PIF1: variants seen among roughly 807,000 people sequenced by gnomAD.
PIF1 encodes the protein PIF1 5'-to-3' DNA helicase.
In PIF1, 67 loss-of-function variants were observed where a neutral mutation model predicts 62.3. That is an observed-to-expected ratio of 1.08 (90% CI 0.88 to 1.32). PIF1 has a LOEUF of 1.32. Ranked by LOEUF, PIF1 falls within the 40% of genes most tolerant of loss-of-function variation. The pLI is 0.00. For synonymous variants in PIF1, 364 were observed against 379.5 expected (o/e 0.96, Z 0.47); for missense variants, 886 against 866.1 (o/e 1.02, Z -0.29).
rs2084213182 is a variant in PIF1, at chr15:64,817,927, C to T, written c.1674+19G>A. The T allele has an allele frequency of 1.3e-6, 2 of 1,589,462 alleles. No homozygotes were observed. The highest frequency in any genetic ancestry group is 1.7e-6 in the Non-Finnish European group (2 of 1,167,732). ...CTCCCTCTGCCCTCCCTGTCCCTGCCCCCCACACCGGTGCTCACTTGGCTC... is the reference window on the plus strand; with the variant it reads ...CTCCCTCTGCCCTCCCTGTCCCTGCTCCCCACACCGGTGCTCACTTGGCTC... On this transcript the variant is annotated intron_variant, in intron 11 of 12. Transcript: ENST00000559239.
At position 64,821,417 on chromosome 15, in the gene PIF1, C is replaced by A; in HGVS notation, c.921G>T (p.Glu307Asp). The change falls in exon 5 of 13, where the codon GAG (glutamate) becomes GAT (aspartate). Residue 307 changes from glutamate (E) to aspartate (D), a missense_variant. Transcript: ENST00000559239. ...WLNCQRLVID[E>D]ISMVEADLFD... Reference sequence around the variant, plus strand: ...ACAGGTCTGCCTCCACCATTGAGATCTCGTCAATGACCAACCGCTGGCAGT... The same window carrying A: ...ACAGGTCTGCCTCCACCATTGAGATATCGTCAATGACCAACCGCTGGCAGT... 3 of 1,614,222 alleles carry A rather than the reference C, an allele frequency of 1.9e-6. No individual in the cohort carries two copies. The highest frequency in any genetic ancestry group is 2.5e-6 in the Non-Finnish European group (3 of 1,180,042).
chr15:64,824,479 G>T, intron 1 of PIF1, 125 bp from the exon 2 acceptor site: 1 of 570,800 alleles, frequency 1.8e-6, no homozygotes, highest in Non-Finnish European at 2.6e-6. Context: ...AAGATCACGA[G>T]GACTGTCACT....
intron 7 of PIF1, 100 bp downstream of exon 7, chr15:64,820,882 G>A: frequency 9.3e-7 from 1 of 1,079,778 alleles, no homozygotes; most frequent in Non-Finnish European, 1.4e-6. Context: ...GCTCCTGAGG[G>A]TAACAATTCT....
chr15:64,822,551 C>G lies in PIF1; in HGVS notation c.618G>C (p.Gln206His), dbSNP rs1343691044. The G allele has an allele frequency of 1.2e-6, 2 of 1,614,028 alleles. No homozygotes were observed. Among genetic ancestry groups the G allele is most frequent in the African/African-American group, 1.3e-5 (1 of 74,906 alleles). ...KRLSLPSTKP[Q>H]LSEEQAAVLR... ...GCACAGCAGCCTGTTCCTCAGAAAG[C>G]TGTGGCTTGGTGGAGGGCAAGCTCA... Residue 206 changes from glutamine (Q) to histidine (H), a missense_variant, in exon 3 of 13, where the codon CAG becomes CAC. Transcript: ENST00000559239.
In PIF1 at chr15:64,816,671, C is replaced by A. The variant is rs745314066; in HGVS notation, c.1769G>T (p.Gly590Val). 5 of 1,614,004 alleles carry A rather than the reference C, an allele frequency of 3.1e-6. No homozygotes were observed. Among genetic ancestry groups the A allele is most frequent in the Non-Finnish European group, 4.2e-6 (5 of 1,180,018 alleles). Residue 590 changes from glycine (G) to valine (V), a missense_variant, in exon 12 of 13, where the codon GGC becomes GTC. By Grantham distance (109) the Gly-to-Val change is moderately radical (BLOSUM62 -3). Coordinates refer to ENST00000559239, the MANE Select transcript of PIF1 (RefSeq NM_001286496.2). The part of the protein sequence containing the change: ...VALSRARSLQ[G>V]LRVLDFDPMA... The stretch of plus-strand genomic sequence containing the variant: ...GGGGTCAAAGTCCAGCACACGTAGG[C>A]CCTGCAGGCTGCGGGCCCGAGAAAG...
At chr15:64,817,552 A>G (rs2084205924) in intron 11 of PIF1, among the ~76,000 whole-genome samples, 1 of 151,396 alleles carries the variant, frequency 6.6e-6, no homozygotes, top group African/African-American at 2.4e-5. Context: ...AAACTAAACT[A>G]AACTAAAATA....
chr15:64,822,054 T>G, intron 4 of PIF1: 1 of 604,800 alleles, frequency 1.7e-6, no homozygotes. Flanking sequence ...ATTTTTAAAT[T>G]TTGTGGAGAC....
In PIF1 at chr15:64,819,906, A is replaced by G. The variant is rs755196458; in HGVS notation, c.1274T>C (p.Leu425Pro). 8.7e-6 allele frequency: 14 copies of G among 1,614,120 alleles called. No homozygotes were observed. The highest frequency in any genetic ancestry group is 1.2e-5 in the Non-Finnish European group (14 of 1,180,034). ...VGRDGIVATR[L>P]CTHQDDVALT... ...GGCCACATCATCCTGGTGGGTGCAGAGCCTCGTGGCCACAATCCCATCTCG... is the reference window on the plus strand; with the variant it reads ...GGCCACATCATCCTGGTGGGTGCAGGGCCTCGTGGCCACAATCCCATCTCG... The change falls in exon 8 of 13, where the codon CTC becomes CCC. Residue 425 changes from leucine to proline, a missense_variant. By Grantham distance (98) the Leu-to-Pro change is moderately conservative. Transcript: ENST00000559239.
intron 10 of PIF1, 79 bp from the exon 11 acceptor site, chr15:64,818,170 C>G (rs984892743): frequency 1.9e-6 from 3 of 1,611,042 alleles, no homozygotes; most frequent in African/African-American, 1.3e-5. Context: ...TTGGAGCTTT[C>G]CTTCCTAGTC....
At position 64,815,640 on chromosome 15, in the gene PIF1, C is replaced by T; in HGVS notation, c.*658G>A. 5 of 1,507,506 alleles carry T rather than the reference C, an allele frequency of 3.3e-6. No homozygotes were observed. The East Asian group carries it at 9.8e-5, about 30-fold the overall frequency. The allele number at this position is 1,507,506 out of a possible 1,614,324, so 93.4% of individuals were successfully genotyped here. A position where few individuals can be genotyped will look rare whatever the true frequency, so the allele number is the denominator to read the frequency against. On this transcript the variant is annotated 3_prime_UTR_variant, in exon 13 of 13. Coordinates refer to ENST00000559239, the MANE Select transcript of PIF1 (RefSeq NM_001286496.2). ...GGAGGCAGGAGGCACAGTTTTTACA[C>T]AATTCTCTAGTTTATTTGTCCGAAA...
upstream of PIF1, among the ~76,000 whole-genome samples, chr15:64,826,679 CAT>C (rs1239635165): frequency 1.7e-3 from 155 of 89,098 alleles, 3 homozygotes; most frequent in African/African-American, 5.0e-3. Context: ...CACACACACA[CAT>C]ATATACACAC....
upstream of PIF1, among the ~76,000 whole-genome samples, chr15:64,826,024 T>G (rs1360694631): frequency 6.6e-6 from 1 of 152,170 alleles, no homozygotes; most frequent in African/African-American, 2.4e-5. Context: ...TTGGGGAAGA[T>G]CTGCCTTTGG....
intron 11 of PIF1, 61 bp from the exon 12 acceptor site, chr15:64,816,826 C>G (rs1419077852): frequency 6.8e-7 from 1 of 1,467,174 alleles, no homozygotes; most frequent in Non-Finnish European, 9.1e-7. Flanking sequence ...CCCCGAAAGG[C>G]CTGACCCTTT....
rs188802398 is a variant in PIF1, at chr15:64,821,098, G to A, written c.1087-10C>T. The A allele has an allele frequency of 6.1e-5, 99 of 1,613,124 alleles. 1 individual carries two copies. The African/African-American group carries it at 1.1e-3, about 18-fold the overall frequency. On this transcript the variant is annotated splice_polypyrimidine_tract_variant and intron_variant, in intron 6 of 12. Transcript: ENST00000559239. ...TCTTCCAGCTCTTGGACTGGTGGGGGCAGGGTGGGGGTGGGTCAAGGAGCA... is the reference window on the plus strand; with the variant it reads ...TCTTCCAGCTCTTGGACTGGTGGGGACAGGGTGGGGGTGGGTCAAGGAGCA...
In PIF1 at chr15:64,824,303, T is replaced by C; in HGVS notation, c.33A>G (p.Glu11=). MLSGIEAAAG[E]YEDSELRCRV... is the part of the protein sequence containing the mutation. ...GGCACCGCAGCTCCGAGTCCTCATA[T>C]TCCCCTGCCGCCGCCTCTATGCCCG... is the stretch of plus-strand genomic sequence containing the variant. The change falls in exon 2 of 13, where the codon GAA becomes GAG. Residue 11 remains glutamate (E), a synonymous_variant. Coordinates refer to ENST00000559239, the MANE Select transcript of PIF1 (RefSeq NM_001286496.2). 7.9e-7 allele frequency: 1 copy of C among 1,260,382 alleles called. No individual in the cohort carries two copies. The highest frequency in any genetic ancestry group is 2.3e-4 in the Middle Eastern group (1 of 4,412). 78.1% of individuals were successfully genotyped at this position (1,260,382 alleles called of 1,614,324 possible).
chr15:64,821,266 C>G lies in PIF1; in HGVS notation c.987G>C (p.Gln329His). 6.2e-7 allele frequency: 1 copy of G among 1,614,220 alleles called. No homozygotes were observed. The highest frequency in any genetic ancestry group is 8.5e-7 in the Non-Finnish European group (1 of 1,180,014). Residue 329 changes from glutamine (Q) to histidine (H), a missense_variant, in exon 6 of 13, where the codon CAG (glutamine) becomes CAC (histidine). Physicochemically the swap from Gln to His is conservative, Grantham distance 24. Coordinates refer to ENST00000559239, the MANE Select transcript of PIF1 (RefSeq NM_001286496.2). ...GCTGGATCCCTCCGAATGGCTTGTT[C>G]TGCTGCCGGACAGCTCTGGAGAGGA... ...LEAVARAVRQ[Q>H]NKPFGGIQLI... is the part of the protein sequence containing the mutation.
rs1181697923 is a variant in PIF1, at chr15:64,822,594, G to A, written c.575C>T (p.Pro192Leu). ...CAAGCTCAGCCTCTTCACAGGCAGG[G>A]GCCACCTTGGGGCTTCCTGGGGGGA... ...AEPSTEAPRW[P>L]LPVKRLSLPS... Residue 192 changes from proline to leucine, a missense_variant, in exon 3 of 13, where the codon CCC (proline) becomes CTC (leucine). Coordinates refer to ENST00000559239, the MANE Select transcript of PIF1 (RefSeq NM_001286496.2). 13 of 1,613,922 alleles carry A rather than the reference G, an allele frequency of 8.1e-6. No homozygotes were observed. The East Asian group carries it at 1.8e-4, about 22-fold the overall frequency.
At chr15:64,816,915 G>A in intron 11 of PIF1, 150 bp from the exon 12 acceptor site, 1 of 687,676 alleles carries the variant, frequency 1.5e-6, no homozygotes, top group Non-Finnish European at 2.3e-6. Context: ...GACAGCAGGT[G>A]GCTGTCTGAG....
At chr15:64,817,735 G>A (rs763995398) in intron 11 of PIF1, among the ~76,000 whole-genome samples, 5 of 151,664 alleles carry the variant, frequency 3.3e-5, no homozygotes, top group Admixed American at 6.6e-5. Flanking sequence ...GGTGGCATGC[G>A]CCTGTAGTCC....
Sources: allele counts gnomAD v4.1 joint callset (sites outside exome capture counted in the v4.1 genomes callset), GRCh38; gene constraint gnomAD v4.1.1; transcripts MANE v1.5; gene names NCBI Gene and HGNC (gene_info 2026-07-23, HGNC 2026-07-21).